DNAAF3: variants seen among roughly 807,000 people sequenced by gnomAD.
The protein encoded by DNAAF3 is dynein axonemal assembly factor 3.
A neutral mutation model predicts 50.9 loss-of-function variants in DNAAF3; 40 were observed. The observed-to-expected ratio is 0.79, with a 90% confidence interval of 0.61 to 1.02. The LOEUF (loss-of-function observed/expected upper bound fraction) is 1.02, where lower values mean the gene tolerates loss of function less well. Ranked by LOEUF, DNAAF3 falls within the 50% of genes least tolerant of loss-of-function variation. DNAAF3 has a pLI of 0.00. For synonymous variants in DNAAF3, 327 were observed against 322.8 expected, an observed-to-expected ratio of 1.01 and a Z score of -0.14; for missense variants, 763 against 744.7, an observed-to-expected ratio of 1.02 and a Z score of -0.29.
At chr19:55,163,438 G>A (rs1251922898) in intron 4 of DNAAF3, among the ~76,000 whole-genome samples, 1 of 151,456 alleles carries the variant, frequency 6.6e-6, no homozygotes, top group Non-Finnish European at 1.5e-5. Flanking sequence ...GATTACAGGC[G>A]TGAGCCACCG....
rs2147295068 is a variant in DNAAF3 at position 55,160,906 on chromosome 19, A to G, written c.913-131T>C. Reference sequence around the variant, plus strand: ...GAGGATGTGAAGTGGGGCGGGACCTATCCCGCGGGGATGGGGCCTGTTCTC... The same window carrying G: ...GAGGATGTGAAGTGGGGCGGGACCTGTCCCGCGGGGATGGGGCCTGTTCTC... On this transcript the variant is annotated intron_variant, in intron 8 of 11. Coordinates refer to ENST00000524407, the MANE Select transcript of DNAAF3 (RefSeq NM_001256715.2). This position sits in a 1 kb window ranked among gnomAD's most constrained non-coding sequence, Gnocchi z 4.7. 11 of 1,452,126 alleles carry G rather than the reference A, an allele frequency of 7.6e-6. No individual in the cohort carries two copies. The highest frequency in any genetic ancestry group is 2.5e-4 in the Middle Eastern group (1 of 4,008). 90.0% of individuals were successfully genotyped at this position (1,452,126 alleles called of 1,614,324 possible). A position where few individuals can be genotyped will look rare whatever the true frequency, so the allele number is the denominator to read the frequency against.
rs771910524 is a variant in DNAAF3, at chr19:55,161,344, G to A, written c.738C>T (p.Ser246=). 1.2e-6 allele frequency: 2 copies of A among 1,610,684 alleles called. No homozygotes were observed. Among genetic ancestry groups the A allele is most frequent in the Non-Finnish European group, 1.7e-6 (2 of 1,178,810 alleles). Residue 246 remains serine, a synonymous_variant, in exon 7 of 12, where the codon AGC becomes AGT. Coordinates refer to ENST00000524407, the MANE Select transcript of DNAAF3 (RefSeq NM_001256715.2). This position sits in a 1 kb window ranked among gnomAD's most constrained non-coding sequence, Gnocchi z 6.4. ...TGVAFELRDS[S]AYHVPNRTLA... ...GGGTCCGGTTGGGCACATGATAGGCGCTGGAGTCCCTGAGTTCAAAGGCGA... is the reference window on the plus strand; with the variant it reads ...GGGTCCGGTTGGGCACATGATAGGCACTGGAGTCCCTGAGTTCAAAGGCGA...
rs1288194609 is a variant in DNAAF3 at position 55,158,937 on chromosome 19, G to T, written c.*125C>A. ...AACACTCCCGGGGTGGGGGTGGCGG[G>T]TACTGAGTGGGAATGATTAGAATAA... On this transcript the variant is annotated 3_prime_UTR_variant, in exon 12 of 12. Coordinates refer to ENST00000524407, the MANE Select transcript of DNAAF3 (RefSeq NM_001256715.2). 2 of 1,097,752 alleles carry T rather than the reference G, an allele frequency of 1.8e-6. No homozygotes were observed. Among genetic ancestry groups the T allele is most frequent in the African/African-American group, 1.6e-5 (1 of 64,128 alleles). The allele number at this position is 1,097,752 out of a possible 1,614,324, so 68.0% of individuals were successfully genotyped here. A position where few individuals can be genotyped will look rare whatever the true frequency, so the allele number is the denominator to read the frequency against.
Position 55,165,562 on chromosome 19 carries a change from C to T in DNAAF3, c.229-99G>A, listed in dbSNP as rs1454270575. Reference sequence around the variant, plus strand: ...CCTCAGCTCTCTCCTTCCACACACCCGAGTTCTGTACACCAGCCTCTTCCT... The same window carrying T: ...CCTCAGCTCTCTCCTTCCACACACCTGAGTTCTGTACACCAGCCTCTTCCT... On this transcript the variant is annotated intron_variant, in intron 3 of 11. Coordinates refer to ENST00000524407, the MANE Select transcript of DNAAF3 (RefSeq NM_001256715.2). The T allele has an allele frequency of 5.0e-6, 6 of 1,203,964 alleles. No individual in the cohort carries two copies. In the East Asian group the frequency reaches 1.5e-4, roughly 29 times the overall value. 74.6% of individuals were successfully genotyped at this position (1,203,964 alleles called of 1,614,324 possible). A position where few individuals can be genotyped will look rare whatever the true frequency, so the allele number is the denominator to read the frequency against.
At chr19:55,162,399 C>A in intron 4 of DNAAF3, 109 bp from the exon 5 acceptor site, 2 of 1,173,420 alleles carry the variant, frequency 1.7e-6, no homozygotes. Flanking sequence ...AATGAACCCC[C>A]GCAAACTCCC....
At position 55,166,229 on chromosome 19, in the gene DNAAF3, G is replaced by GC. The variant is rs2085936369; in HGVS notation, c.85+99dup. Reference sequence around the variant, plus strand: ...CGCTGGAGCGTTGGAGAACGTTAGCGCCCCCCTTGCCACCGACGCTGGGAC... The same window carrying GC: ...CGCTGGAGCGTTGGAGAACGTTAGCGCCCCCCCTTGCCACCGACGCTGGGAC... On this transcript the variant is annotated intron_variant, in intron 2 of 11. Coordinates refer to ENST00000524407, the MANE Select transcript of DNAAF3 (RefSeq NM_001256715.2). This position sits in a 1 kb window ranked among gnomAD's most constrained non-coding sequence, Gnocchi z 4.0. 8.4e-6 allele frequency: 13 copies of GC among 1,548,030 alleles called. No individual in the cohort carries two copies. In the South Asian group the frequency reaches 1.4e-4, roughly 17 times the overall value.
Position 55,166,175 on chromosome 19 carries a change from G to A in DNAAF3, c.85+154C>T, listed in dbSNP as rs1441109732. 6 of 1,549,388 alleles carry A rather than the reference G, an allele frequency of 3.9e-6. No homozygotes were observed. The African/African-American group carries it at 6.8e-5, about 18-fold the overall frequency. On this transcript the variant is annotated intron_variant, in intron 2 of 11. Transcript: ENST00000524407. The surrounding 1 kb of genome is among the most constrained non-coding windows in gnomAD (Gnocchi z 4.0). ...ATTCGCAGTCCGCAGACAGGACCTC[G>A]GGGCTGCCCCTGGGAGCGCGCCCTC...
Position 55,161,670 on chromosome 19 carries a change from G to T in DNAAF3, c.636C>A (p.Asp212Glu). ...YDARRGVSDW[D>E]LRMKLHDRGA... ...CGCGGTCATGCAGCTTCATGCGCAG[G>T]TCCCAGTCGCTGACACCGCGCCGGG... is the stretch of plus-strand genomic sequence containing the variant. The change falls in exon 6 of 12, where the codon GAC becomes GAA. Residue 212 changes from aspartate to glutamate, a missense_variant. By Grantham distance (45) the Asp-to-Glu change is conservative (BLOSUM62 2). Transcript: ENST00000524407. The surrounding 1 kb of genome is among the most constrained non-coding windows in gnomAD (Gnocchi z 6.4). The T allele has an allele frequency of 6.5e-7, 1 of 1,539,464 alleles. No homozygotes were observed.
rs7508641 is a variant in DNAAF3 at position 55,160,697 on chromosome 19, C to G, written c.991G>C (p.Gly331Arg). ...VAAWGRARAT[G>R]GDLEEQQHAE... ...TGCTGCTGCTCCTCCAGGTCCCCCC[C>G]GGTGGCTCTCGCGCGCCCCCAGGCG... Residue 331 changes from glycine to arginine, a missense_variant, in exon 9 of 12, where the codon GGG (glycine) becomes CGG (arginine). Coordinates refer to ENST00000524407, the MANE Select transcript of DNAAF3 (RefSeq NM_001256715.2). The surrounding 1 kb of genome is among the most constrained non-coding windows in gnomAD (Gnocchi z 4.7). The G allele has an allele frequency of 6.2e-7, 1 of 1,613,558 alleles. No homozygotes were observed. Among genetic ancestry groups the G allele is most frequent in the Non-Finnish European group, 8.5e-7 (1 of 1,179,974 alleles).
At position 55,161,780 on chromosome 19, in the gene DNAAF3, C is replaced by A; in HGVS notation, c.526G>T (p.Gly176Cys). 1 of 1,499,168 alleles carries A rather than the reference C, an allele frequency of 6.7e-7. No homozygotes were observed. Among genetic ancestry groups the A allele is most frequent in the Non-Finnish European group, 8.9e-7 (1 of 1,125,808 alleles). 92.9% of individuals were successfully genotyped at this position (1,499,168 alleles called of 1,614,324 possible). Residue 176 changes from glycine to cysteine, a missense_variant, in exon 6 of 12, where the codon GGC (glycine) becomes TGC (cysteine). Transcript: ENST00000524407. The surrounding 1 kb of genome is among the most constrained non-coding windows in gnomAD (Gnocchi z 6.4). ...AACGCCTGGGGCCCTTTCTCGCCGCCAGCCCAGAAGCGGAATACGGCCTCC... is the reference window on the plus strand; with the variant it reads ...AACGCCTGGGGCCCTTTCTCGCCGCAAGCCCAGAAGCGGAATACGGCCTCC... ...ALEAVFRFWA[G>C]GEKGPQAFPM...
intron 4 of DNAAF3, among the ~76,000 whole-genome samples, chr19:55,163,278 G>A (rs1475168966): frequency 2.7e-5 from 4 of 149,850 alleles, no homozygotes; most frequent in African/African-American, 7.4e-5. Flanking sequence ...AAAGTGCTGG[G>A]ATTACAGGCG....
chr19:55,165,889 CG>C lies in DNAAF3; in HGVS notation c.196del (p.Arg66GlufsTer27). The C allele has an allele frequency of 6.2e-7, 1 of 1,614,172 alleles. No individual in the cohort carries two copies. The highest frequency in any genetic ancestry group is 8.5e-7 in the Non-Finnish European group (1 of 1,180,036). ...CCTCCTGCGAGGCCAGAACTTCGCTCGGGACAGGGTCCGCAGCAGGTGCCGT... is the reference window on the plus strand; with the variant it reads ...CCTCCTGCGAGGCCAGAACTTCGCTCGGACAGGGTCCGCAGCAGGTGCCGT... ...DGRHLLRTLS[R>X]AKFWPRRRFN... On this transcript the variant is annotated frameshift_variant, in exon 3 of 12. Coordinates refer to ENST00000524407, the MANE Select transcript of DNAAF3 (RefSeq NM_001256715.2). LOFTEE classifies it high-confidence loss of function.
Position 55,166,211 on chromosome 19 carries a change from G to T in DNAAF3, c.85+118C>A. Reference sequence around the variant, plus strand: ...TGGGAGCGCGCCCTCTGCCGCTGGAGCGTTGGAGAACGTTAGCGCCCCCCT... The same window carrying T: ...TGGGAGCGCGCCCTCTGCCGCTGGATCGTTGGAGAACGTTAGCGCCCCCCT... On this transcript the variant is annotated intron_variant, in intron 2 of 11. Coordinates refer to ENST00000524407, the MANE Select transcript of DNAAF3 (RefSeq NM_001256715.2). This position sits in a 1 kb window ranked among gnomAD's most constrained non-coding sequence, Gnocchi z 4.0. 6.5e-7 allele frequency: 1 copy of T among 1,548,116 alleles called. No individual in the cohort carries two copies. The highest frequency in any genetic ancestry group is 8.7e-7 in the Non-Finnish European group (1 of 1,146,468).
chr19:55,163,757 T>C (rs975041094), intron 4 of DNAAF3, among the ~76,000 whole-genome samples: 3 of 152,202 alleles, frequency 2.0e-5, no homozygotes, highest in Admixed American at 6.5e-5. Context: ...TTTAAGAACT[T>C]AATAGAAGAG....
Position 55,160,601 on chromosome 19 carries a change from C to CTGG in DNAAF3, c.1048+36_1048+38dup, listed in dbSNP as rs1347171496. 6.2e-7 allele frequency: 1 copy of CTGG among 1,612,482 alleles called. No homozygotes were observed. Among genetic ancestry groups the CTGG allele is most frequent in the East Asian group, 2.2e-5 (1 of 44,628 alleles). ...CACTCCAGTGTGAAACACCTGGAGGCTGGAGTCCCTGGCTTACCTGTTGTT... is the reference window on the plus strand; with the variant it reads ...CACTCCAGTGTGAAACACCTGGAGGCTGGTGGAGTCCCTGGCTTACCTGTTGTT... On this transcript the variant is annotated intron_variant, in intron 9 of 11. Transcript: ENST00000524407. The surrounding 1 kb of genome is among the most constrained non-coding windows in gnomAD (Gnocchi z 4.7).
rs1343708417 is a variant in DNAAF3, at chr19:55,158,721, G to GAGAC, written c.*337_*340dup. Reference sequence around the variant, plus strand: ...TGGGTGCTGACCAGGCCCTGGTGAGGAGACACCCCAGCCCCTAGTCAGCCA... The same window carrying GAGAC: ...TGGGTGCTGACCAGGCCCTGGTGAGGAGACAGACACCCCAGCCCCTAGTCAGCCA... On this transcript the variant is annotated 3_prime_UTR_variant, in exon 12 of 12. Transcript: ENST00000524407. 2.2e-5 allele frequency: 5 copies of GAGAC among 227,362 alleles called. No individual in the cohort carries two copies. The Admixed American group carries it at 2.5e-4, about 12-fold the overall frequency. The allele number at this position is 227,362 out of a possible 1,614,324, so 14.1% of individuals were successfully genotyped here.
At chr19:55,162,382 T>A in intron 4 of DNAAF3, 92 bp from the exon 5 acceptor site, 3 of 1,214,910 alleles carry the variant, frequency 2.5e-6, no homozygotes, top group Non-Finnish European at 3.1e-6. Flanking sequence ...AGTCATCTAA[T>A]GAAAACAATG....
chr19:55,159,394 C>T lies in DNAAF3; in HGVS notation c.1294G>A (p.Glu432Lys). The T allele has an allele frequency of 6.2e-7, 1 of 1,614,152 alleles. No individual in the cohort carries two copies. Residue 432 changes from glutamate to lysine, a missense_variant, in exon 12 of 12, where the codon GAG becomes AAG. By Grantham distance (56) the Glu-to-Lys change is moderately conservative (BLOSUM62 1). Transcript: ENST00000524407. ...QLQGFNTRVR[E>K]LAQAAGFAPQ... is the part of the protein sequence containing the mutation. ...GCAAATCCAGCTGCCTGAGCTAGCTCCCTGACCCGGGTGTTGAATCCCTGC... is the reference window on the plus strand; with the variant it reads ...GCAAATCCAGCTGCCTGAGCTAGCTTCCTGACCCGGGTGTTGAATCCCTGC...
chr19:55,166,625 C>A, upstream of DNAAF3: 1 of 1,613,844 alleles, frequency 6.2e-7, no homozygotes, highest in African/African-American at 1.3e-5. The surrounding 1 kb of genome is among the most constrained non-coding windows in gnomAD (Gnocchi z 4.0). Context: ...CCGCCCTTTT[C>A]GAGGAATCAA....
Sources: allele counts gnomAD v4.1 joint callset (sites outside exome capture counted in the v4.1 genomes callset), GRCh38; gene constraint gnomAD v4.1.1; non-coding constraint Gnocchi (gnomAD v3.1); transcripts MANE v1.5; gene names NCBI Gene and HGNC (gene_info 2026-07-23, HGNC 2026-07-21).